Variants in SYT16 observed in about 807,000 individuals in gnomAD.
The protein encoded by SYT16 is synaptotagmin 16.
Under a neutral mutation model 61.4 loss-of-function variants are expected in SYT16, and 42 were observed. The observed-to-expected ratio is 0.68, with a 90% CI of 0.53 to 0.89. The LOEUF (loss-of-function observed/expected upper bound fraction) is 0.89. SYT16 is among the 40% of genes least tolerant of loss of function. The probability of loss-of-function intolerance (pLI) is 0.00; values close to 1 mark genes in which losing one functional copy is unlikely to be tolerated. For missense variants in SYT16, 804 were observed against 807.3 expected (o/e 1.00, Z 0.05); for synonymous variants, 314 against 302.3 (o/e 1.04, Z -0.40).
intron 3 of SYT16, among the ~76,000 whole-genome samples, chr14:62,026,594 C>T (rs1407520029): frequency 1.3e-5 from 2 of 152,142 alleles, no homozygotes; most frequent in Non-Finnish European, 2.9e-5. Context: ...TTGGCAACAC[C>T]TGGATTTTGA....
At chr14:61,968,878 G>A (rs2051426573) in intron 1 of SYT16, among the ~76,000 whole-genome samples, 1 of 152,134 alleles carries the variant, frequency 6.6e-6, no homozygotes, top group Admixed American at 6.5e-5. Flanking sequence ...ATTTTTCATG[G>A]TATGTGTTGG....
At chr14:61,849,381 A>G (rs1261962069) in intron 1 of SYT16, among the ~76,000 whole-genome samples, 1 of 152,114 alleles carries the variant, frequency 6.6e-6, no homozygotes, top group Non-Finnish European at 1.5e-5. Flanking sequence ...CCAGCACAGC[A>G]TTAGGATTTG....
chr14:61,974,694 G>T (rs973962287), intron 2 of SYT16, among the ~76,000 whole-genome samples: 1 of 152,186 alleles, frequency 6.6e-6, no homozygotes, highest in Non-Finnish European at 1.5e-5. Flanking sequence ...GAAATTGACC[G>T]AGTTACTTTG....
chr14:61,858,894 G>A (rs1464732376), intron 1 of SYT16, among the ~76,000 whole-genome samples: 6 of 139,738 alleles, frequency 4.3e-5, no homozygotes, highest in South Asian at 4.6e-4. Context: ...TCACTCTGTT[G>A]CCCAGGCTGG....
At chr14:61,986,648 G>A (rs1319500394) in intron 2 of SYT16, among the ~76,000 whole-genome samples, 2 of 151,826 alleles carry the variant, frequency 1.3e-5, no homozygotes, top group Non-Finnish European at 2.9e-5. Context: ...TCCCCTTCTT[G>A]TGTCCAAGTG....
chr14:62,052,559 C>G (rs1262409369), intron 3 of SYT16, among the ~76,000 whole-genome samples: 1 of 152,172 alleles, frequency 6.6e-6, no homozygotes, highest in Non-Finnish European at 1.5e-5. Flanking sequence ...TTGAATCCCT[C>G]TAATGTATTA....
At chr14:61,878,067 G>A (rs757685348) in intron 1 of SYT16, among the ~76,000 whole-genome samples, 9 of 152,076 alleles carry the variant, frequency 5.9e-5, no homozygotes, top group Non-Finnish European at 8.8e-5. Flanking sequence ...TCTACTCACC[G>A]TTCTCCAGGG....
intron 1 of SYT16, among the ~76,000 whole-genome samples, chr14:61,894,349 C>T (rs1169874118): frequency 1.3e-5 from 2 of 151,782 alleles, no homozygotes; most frequent in South Asian, 2.1e-4. Context: ...GTACCCACCC[C>T]CTGCCCCCCA....
chr14:62,037,851 C>T (rs2054570480), intron 3 of SYT16, among the ~76,000 whole-genome samples: 1 of 152,048 alleles, frequency 6.6e-6, no homozygotes, highest in South Asian at 2.1e-4. Context: ...TGCTTTGTGG[C>T]CCCCCAGAGC....
chr14:61,918,174 T>C (rs2140397895), intron 1 of SYT16, among the ~76,000 whole-genome samples: 1 of 152,330 alleles, frequency 6.6e-6, no homozygotes, highest in South Asian at 2.1e-4. Flanking sequence ...AATTGATGTA[T>C]GTTGCTGGCC....
Position 62,080,979 on chromosome 14 carries a change from A to AGGAC in SYT16, c.1140_1143dup (p.Arg382GlyfsTer18), listed in dbSNP as rs2056686566. On this transcript the variant is annotated frameshift_variant, in exon 6 of 8. Coordinates refer to ENST00000683842, the MANE Select transcript of SYT16 (RefSeq NM_001367656.1). LOFTEE classifies it high-confidence loss of function. Reference sequence around the variant, plus strand: ...GTGAGGGCACAGGGCCTCCCAGATAAGGACCGAAGTGGTGTCAACTCCTGG... The same window carrying AGGAC: ...GTGAGGGCACAGGGCCTCCCAGATAAGGACGGACCGAAGTGGTGTCAACTCCTGG... 1 of 1,612,970 alleles carries AGGAC rather than the reference A, an allele frequency of 6.2e-7. No homozygotes were observed. The highest frequency in any genetic ancestry group is 1.7e-5 in the Admixed American group (1 of 59,864).
intron 1 of SYT16, among the ~76,000 whole-genome samples, chr14:61,927,766 A>T (rs1016354594): frequency 6.6e-6 from 1 of 152,148 alleles, no homozygotes; most frequent in Non-Finnish European, 1.5e-5. Flanking sequence ...AGTTTTGCAC[A>T]GTTGGGGTAC....
At chr14:61,946,645 A>G (rs1348813061) in intron 1 of SYT16, among the ~76,000 whole-genome samples, 3 of 152,144 alleles carry the variant, frequency 2.0e-5, no homozygotes, top group Non-Finnish European at 4.4e-5. Flanking sequence ...GGAAATGGCA[A>G]TTTTGCATTG....
intron 1 of SYT16, among the ~76,000 whole-genome samples, chr14:61,815,304 TCA>T (rs901799705): frequency 5.3e-5 from 8 of 152,178 alleles, no homozygotes; most frequent in African/African-American, 1.9e-4. Context: ...TCCTGTCTTG[TCA>T]CCATGCAGTG....
At chr14:61,820,362 T>A (rs1230001874) in intron 1 of SYT16, among the ~76,000 whole-genome samples, 1 of 151,590 alleles carries the variant, frequency 6.6e-6, no homozygotes, top group Non-Finnish European at 1.5e-5. Context: ...ACTTCTCCGC[T>A]GATGTGCATT....
intron 1 of SYT16, among the ~76,000 whole-genome samples, chr14:61,841,181 G>A (rs1225072028): frequency 6.6e-6 from 1 of 152,174 alleles, no homozygotes. Context: ...TCTGGAAATA[G>A]TTTGACCTTC....
At chr14:62,097,145 T>C (rs2057298359) in intron 7 of SYT16, among the ~76,000 whole-genome samples, 1 of 152,164 alleles carries the variant, frequency 6.6e-6, no homozygotes, top group East Asian at 1.9e-4. Context: ...TGACATACTT[T>C]TGTGCCATAA....
Position 62,108,148 on chromosome 14 carries a change from C to T in SYT16, c.*7441C>T, listed in dbSNP as rs1431662269. 1 of 152,176 alleles carries T rather than the reference C, an allele frequency of 6.6e-6. No homozygotes were observed. Among genetic ancestry groups the T allele is most frequent in the East Asian group, 1.9e-4 (1 of 5,196 alleles). The allele number at this position is 152,176 out of a possible 1,614,324, so 9.4% of individuals were successfully genotyped here. On this transcript the variant is annotated 3_prime_UTR_variant, in exon 8 of 8. Coordinates refer to ENST00000683842, the MANE Select transcript of SYT16 (RefSeq NM_001367656.1). ...GTAAAGGTCAACATTGGGAGTGTCCCTACCTTGGCAGATAGACCAATACTT... is the reference window on the plus strand; with the variant it reads ...GTAAAGGTCAACATTGGGAGTGTCCTTACCTTGGCAGATAGACCAATACTT...
intron 1 of SYT16, among the ~76,000 whole-genome samples, chr14:61,904,648 T>G (rs1002066875): frequency 8.5e-5 from 13 of 152,198 alleles, no homozygotes; most frequent in African/African-American, 3.1e-4. Context: ...ACACTGACTT[T>G]CTACTCACTG....
Sources: allele counts gnomAD v4.1 joint callset (sites outside exome capture counted in the v4.1 genomes callset), GRCh38; gene constraint gnomAD v4.1.1; transcripts MANE v1.5; gene names NCBI Gene and HGNC (gene_info 2026-07-23, HGNC 2026-07-21).